Variants in ST6GALNAC3 observed in about 807,000 individuals in gnomAD.
The protein encoded by ST6GALNAC3 is alpha-N-acetylgalactosaminide alpha-2,6-sialyltransferase 3.
In ST6GALNAC3, 25 loss-of-function variants were observed where a neutral mutation model predicts 32.7. The ratio of observed to expected loss-of-function variants is 0.76; its 90% CI spans 0.56 to 1.07. The LOEUF (loss-of-function observed/expected upper bound fraction) is 1.07. Ranked by LOEUF, ST6GALNAC3 falls within the 50% of genes least tolerant of loss-of-function variation. The pLI, the probability that ST6GALNAC3 is intolerant of heterozygous loss-of-function variation, is 0.00. For missense variants in ST6GALNAC3, 355 were observed against 382.4 expected (o/e 0.93, Z 0.60); for synonymous variants, 129 against 133.1 (o/e 0.97, Z 0.21).
intron 3 of ST6GALNAC3, among the ~76,000 whole-genome samples, chr1:76,506,511 C>T (rs1661487786): frequency 6.6e-6 from 1 of 152,202 alleles, no homozygotes; most frequent in South Asian, 2.1e-4. Flanking sequence ...CTAGGTTGTG[C>T]CACATGCTCC....
chr1:76,464,043 G>A (rs1346523454), intron 3 of ST6GALNAC3, among the ~76,000 whole-genome samples: 1 of 152,018 alleles, frequency 6.6e-6, no homozygotes, highest in Non-Finnish European at 1.5e-5. Flanking sequence ...CCCTCCCCTA[G>A]CTTGCCCTCC....
chr1:76,237,696 G>A (rs1165368622), intron 1 of ST6GALNAC3, among the ~76,000 whole-genome samples: 4 of 152,064 alleles, frequency 2.6e-5, no homozygotes, highest in African/African-American at 9.7e-5. Context: ...GTTATTTATA[G>A]GATGTTTAAT....
At chr1:76,319,967 A>G (rs1302981474) in intron 2 of ST6GALNAC3, among the ~76,000 whole-genome samples, 1 of 152,150 alleles carries the variant, frequency 6.6e-6, no homozygotes, top group African/African-American at 2.4e-5. Flanking sequence ...GAAAGGATAT[A>G]TTTTTTGAGT....
intron 1 of ST6GALNAC3, among the ~76,000 whole-genome samples, chr1:76,207,553 A>G (rs1014897270): frequency 6.6e-6 from 1 of 152,210 alleles, no homozygotes; most frequent in African/African-American, 2.4e-5. Context: ...CCAAGACAGA[A>G]GGCATCACGT....
chr1:76,440,363 T>C (rs1353913155), intron 3 of ST6GALNAC3, among the ~76,000 whole-genome samples: 1 of 152,228 alleles, frequency 6.6e-6, no homozygotes, highest in Non-Finnish European at 1.5e-5. Context: ...AAATGGAGTT[T>C]TGTGAAAGAA....
intron 1 of ST6GALNAC3, among the ~76,000 whole-genome samples, chr1:76,254,025 G>A (rs1454783922): frequency 6.6e-6 from 1 of 152,090 alleles, no homozygotes; most frequent in Non-Finnish European, 1.5e-5. Context: ...GTTCTGGAAG[G>A]GGCTATGCAT....
chr1:76,504,322 T>C (rs1661346190), intron 3 of ST6GALNAC3, among the ~76,000 whole-genome samples: 1 of 152,190 alleles, frequency 6.6e-6, no homozygotes. Context: ...GAACTTGTGA[T>C]TGGATTTAAG....
intron 3 of ST6GALNAC3, among the ~76,000 whole-genome samples, chr1:76,483,569 G>T (rs1659885252): frequency 6.6e-6 from 1 of 152,094 alleles, no homozygotes; most frequent in African/African-American, 2.4e-5. Context: ...TTTTGATGGG[G>T]TTGTTTGTTT....
intron 1 of ST6GALNAC3, among the ~76,000 whole-genome samples, chr1:76,157,340 A>G (rs1570241474): frequency 6.6e-6 from 1 of 151,862 alleles, no homozygotes; most frequent in East Asian, 1.9e-4. Flanking sequence ...GTAGCCTCCT[A>G]CTCCAAAAAT....
chr1:76,393,464 C>T (rs1436223622), intron 2 of ST6GALNAC3, among the ~76,000 whole-genome samples: 1 of 152,060 alleles, frequency 6.6e-6, no homozygotes, highest in Non-Finnish European at 1.5e-5. Flanking sequence ...ACATAGAAGC[C>T]TTAGTTCTGT....
At chr1:76,173,671 C>T (rs549437156) in intron 1 of ST6GALNAC3, among the ~76,000 whole-genome samples, 5 of 152,218 alleles carry the variant, frequency 3.3e-5, no homozygotes, top group Admixed American at 1.3e-4. Flanking sequence ...AAAAAGTAGG[C>T]AAAGGATATG....
chr1:76,388,404 A>G lies in ST6GALNAC3; in HGVS notation c.214-23604A>G, dbSNP rs1008250818. ...CACATATGGGATTTTAATAACCTCCATGCTGTGCTATGAATTTATAAGCAG... is the reference window on the plus strand; with the variant it reads ...CACATATGGGATTTTAATAACCTCCGTGCTGTGCTATGAATTTATAAGCAG... On this transcript the variant is annotated intron_variant, in intron 2 of 4. Transcript: ENST00000328299. Among the ~76,000 whole-genome samples, 4 of 152,182 alleles carry G rather than the reference A, an allele frequency of 2.6e-5. No individual in the cohort carries two copies. In the East Asian group the frequency reaches 7.7e-4, roughly 29 times the overall value.
intron 1 of ST6GALNAC3, among the ~76,000 whole-genome samples, chr1:76,310,945 T>C (rs1452273029): frequency 6.6e-6 from 1 of 152,132 alleles, no homozygotes; most frequent in Admixed American, 6.6e-5. Flanking sequence ...CAGTTCCTGC[T>C]CTGACAACTC....
At chr1:76,498,885 T>A (rs1661013156) in intron 3 of ST6GALNAC3, among the ~76,000 whole-genome samples, 1 of 151,952 alleles carries the variant, frequency 6.6e-6, no homozygotes, top group South Asian at 2.1e-4. Flanking sequence ...ATACTTCACA[T>A]ACAAAAATAA....
At chr1:76,355,252 A>G (rs1377924329) in intron 2 of ST6GALNAC3, among the ~76,000 whole-genome samples, 1 of 152,190 alleles carries the variant, frequency 6.6e-6, no homozygotes, top group East Asian at 1.9e-4. Flanking sequence ...TTTAAAGAAA[A>G]CATTTTATTT....
intron 3 of ST6GALNAC3, among the ~76,000 whole-genome samples, chr1:76,517,441 A>G (rs1478431741): frequency 1.3e-5 from 2 of 151,882 alleles, no homozygotes; most frequent in African/African-American, 4.8e-5. Flanking sequence ...ATAGTTTTTC[A>G]TAAACTTGTC....
At chr1:76,156,948 G>T (rs937909812) in intron 1 of ST6GALNAC3, among the ~76,000 whole-genome samples, 1 of 152,156 alleles carries the variant, frequency 6.6e-6, no homozygotes, top group Non-Finnish European at 1.5e-5. Context: ...AGCCAGGATG[G>T]TCTCAATCTT....
rs532730084 is a variant in ST6GALNAC3, at chr1:76,548,034, A to T, written c.624-79418A>T. Among the ~76,000 whole-genome samples, 191 of 152,200 alleles carry T rather than the reference A, an allele frequency of 1.3e-3. 1 individual carries two copies. Among genetic ancestry groups the T allele is most frequent in the Middle Eastern group, 3.4e-3 (1 of 294 alleles). On this transcript the variant is annotated intron_variant, in intron 3 of 4. Transcript: ENST00000328299. Reference sequence around the variant, plus strand: ...TAACTTAGTGCCTGGGTAAGAAAATAAAGTATTCAGCTTCCCAGCCAATTG... The same window carrying T: ...TAACTTAGTGCCTGGGTAAGAAAATTAAGTATTCAGCTTCCCAGCCAATTG...
At chr1:76,447,200 G>C (rs187061626) in intron 3 of ST6GALNAC3, among the ~76,000 whole-genome samples, 89 of 152,226 alleles carry the variant, frequency 5.8e-4, no homozygotes, top group African/African-American at 2.1e-3. Flanking sequence ...CTGAAACAAA[G>C]GTAACTCTTG....
Sources: allele counts gnomAD v4.1 joint callset (sites outside exome capture counted in the v4.1 genomes callset), GRCh38; gene constraint gnomAD v4.1.1; transcripts MANE v1.5; gene names NCBI Gene and HGNC (gene_info 2026-07-23, HGNC 2026-07-21).